Variants in MFN2 observed in about 807,000 individuals in gnomAD.
The protein encoded by MFN2 is mitofusin-2.
In MFN2, 43 loss-of-function variants were observed where a neutral mutation model predicts 87.5. The observed-to-expected ratio is 0.49, with a 90% CI of 0.38 to 0.63. MFN2 has a LOEUF of 0.63. MFN2 is among the 30% of genes least tolerant of loss of function. The pLI, the probability that MFN2 is intolerant of heterozygous loss-of-function variation, is 0.00. For missense variants in MFN2, 743 were observed against 972.8 expected, an observed-to-expected ratio of 0.76 and a Z score of 3.14; for synonymous variants, 337 against 359.9, an observed-to-expected ratio of 0.94 and a Z score of 0.72.
At chr1:11,999,925 T>C (rs934525805) in intron 8 of MFN2, among the ~76,000 whole-genome samples, 1 of 151,566 alleles carries the variant, frequency 6.6e-6, no homozygotes, top group Admixed American at 6.6e-5. Context: ...AAACCCCGTG[T>C]CTACTAAAAA....
Position 12,009,618 on chromosome 1 carries a change from T to A in MFN2, c.2096T>A (p.Leu699Gln). 1 of 1,614,248 alleles carries A rather than the reference T, an allele frequency of 6.2e-7. No homozygotes were observed. The highest frequency in any genetic ancestry group is 8.5e-7 in the Non-Finnish European group (1 of 1,180,034). The change falls in exon 18 of 19, where the codon CTG becomes CAG. Residue 699 changes from leucine (L) to glutamine (Q), a missense_variant. By Grantham distance (113) the Leu-to-Gln change is moderately radical (BLOSUM62 -2). This residue lies in a region of MFN2 where 571 missense variants were observed against 670.7 expected (regional missense o/e 0.85). Coordinates refer to ENST00000235329, the MANE Select transcript of MFN2 (RefSeq NM_014874.4). The part of the protein sequence containing the change: ...QQELSGTFAH[L>Q]CQQVDVTREN... ...GAACTGTCTGGGACCTTTGCTCATC[T>A]GTGTCAGCAAGTTGACGTCACCCGG... is the stretch of plus-strand genomic sequence containing the variant.
intron 2 of MFN2, among the ~76,000 whole-genome samples, chr1:11,983,486 A>G (rs1171273845): frequency 6.6e-6 from 1 of 152,210 alleles, no homozygotes; most frequent in Non-Finnish European, 1.5e-5. Flanking sequence ...AAACTATCCA[A>G]AACAGTAATC....
chr1:11,981,633 T>C (rs541815815), intron 1 of MFN2, among the ~76,000 whole-genome samples: 2 of 152,340 alleles, frequency 1.3e-5, no homozygotes, highest in Middle Eastern at 3.4e-3. Flanking sequence ...TAGTCAGCTG[T>C]TCCACAGTCC....
chr1:11,997,152 C>T, intron 5 of MFN2, 145 bp from the exon 6 acceptor site: 2 of 1,253,238 alleles, frequency 1.6e-6, no homozygotes, highest in South Asian at 1.3e-5. Flanking sequence ...TGACAACTCC[C>T]AGCTGTTAAC....
Position 12,002,104 on chromosome 1 carries a change from G to A in MFN2, c.1160+1G>A, listed in dbSNP as rs1553144086. On this transcript the variant is annotated splice_donor_variant, in intron 11 of 18. Transcript: ENST00000235329. LOFTEE classifies it high-confidence loss of function. ...TGCACATGGCGGCTCGGGAGCAGCA[G>A]TAAGAGTCCAAGACTGCAGATAGGT... The A allele has an allele frequency of 6.2e-7, 1 of 1,614,252 alleles. No homozygotes were observed. Among genetic ancestry groups the A allele is most frequent in the Non-Finnish European group, 8.5e-7 (1 of 1,180,044 alleles).
chr1:11,989,024 C>A lies in MFN2; in HGVS notation c.-4-141C>A. The A allele has an allele frequency of 3.2e-6, 3 of 943,060 alleles. No individual in the cohort carries two copies. In the East Asian group the frequency reaches 7.4e-5, roughly 23 times the overall value. The allele number at this position is 943,060 out of a possible 1,614,324, so 58.4% of individuals were successfully genotyped here. A position where few individuals can be genotyped will look rare whatever the true frequency, so the allele number is the denominator to read the frequency against. ...GCCTGAGACACTGTTCTTATCTCAC[C>A]GTCCTTTGTTCTAGTCCTGGAGGTT... On this transcript the variant is annotated intron_variant, in intron 2 of 18. Coordinates refer to ENST00000235329, the MANE Select transcript of MFN2 (RefSeq NM_014874.4).
At chr1:11,997,642 G>A (rs974663105) in intron 6 of MFN2, among the ~76,000 whole-genome samples, 3 of 152,144 alleles carry the variant, frequency 2.0e-5, no homozygotes, top group Non-Finnish European at 4.4e-5. Context: ...GGGATGGTCT[G>A]TAAAAGATAG....
intron 2 of MFN2, among the ~76,000 whole-genome samples, chr1:11,984,885 C>T (rs984730397): frequency 2.6e-5 from 4 of 152,234 alleles, no homozygotes; most frequent in African/African-American, 4.8e-5. Flanking sequence ...TATCTGTATC[C>T]TTTGCGATAT....
chr1:11,987,307 G>C (rs1186906937), intron 2 of MFN2, among the ~76,000 whole-genome samples: 1 of 92,404 alleles, frequency 1.1e-5, no homozygotes, highest in East Asian at 3.3e-4. Flanking sequence ...GTGAGACTCT[G>C]TCTCAAAAAA....
intron 2 of MFN2, among the ~76,000 whole-genome samples, chr1:11,983,595 C>G (rs938407445): frequency 2.0e-5 from 3 of 152,152 alleles, no homozygotes; most frequent in Admixed American, 1.3e-4. Flanking sequence ...AGGATGGTCC[C>G]CACGTGCCTG....
At chr1:12,007,950 C>G (rs530466048) in intron 17 of MFN2, among the ~76,000 whole-genome samples, 7 of 152,220 alleles carry the variant, frequency 4.6e-5, no homozygotes, top group African/African-American at 1.7e-4. Context: ...GTGGTGATGA[C>G]TCTTGACAAG....
rs1490466394 is a variant in MFN2 at position 12,005,780 on chromosome 1, T to A, written c.1565T>A (p.Phe522Tyr). ...QIDMLVPRQC[F>Y]SLNYDLNCDK... ...GACATGCTGGTCCCACGCCAGTGCT[T>A]CTCCCTCAACTATGACCTAAACTGT... The change falls in exon 15 of 19, where the codon TTC (phenylalanine) becomes TAC (tyrosine). Residue 522 changes from phenylalanine (F) to tyrosine (Y), a missense_variant. Around this residue, in one of 3 missense-constraint regions of MFN2, gnomAD observed 571 missense variants for 670.7 expected, o/e 0.85. Transcript: ENST00000235329. 6.2e-7 allele frequency: 1 copy of A among 1,614,078 alleles called. No individual in the cohort carries two copies. The highest frequency in any genetic ancestry group is 8.5e-7 in the Non-Finnish European group (1 of 1,180,038).
Position 11,989,226 on chromosome 1 carries a change from C to A in MFN2, c.58C>A (p.His20Asn). The A allele has an allele frequency of 3.7e-6, 6 of 1,614,124 alleles. No individual in the cohort carries two copies. The highest frequency in any genetic ancestry group is 5.1e-6 in the Non-Finnish European group (6 of 1,180,032). ...SIVTVKKNKR[H>N]MAEVNASPLK... ...CGTCACAGTCAAGAAAAATAAGAGA[C>A]ACATGGCTGAGGTGAATGCATCCCC... Residue 20 changes from histidine to asparagine, a missense_variant, in exon 3 of 19, where the codon CAC (histidine) becomes AAC (asparagine). Coordinates refer to ENST00000235329, the MANE Select transcript of MFN2 (RefSeq NM_014874.4).
rs1179417642 is a variant in MFN2 at position 12,007,046 on chromosome 1, T to C, written c.1873-7T>C. 1.9e-6 allele frequency: 3 copies of C among 1,613,254 alleles called. No homozygotes were observed. Among genetic ancestry groups the C allele is most frequent in the Non-Finnish European group, 1.7e-6 (2 of 1,180,030 alleles). On this transcript the variant is annotated splice_polypyrimidine_tract_variant and splice_region_variant and intron_variant, in intron 16 of 18. Transcript: ENST00000235329. ...GCTGCACTCCAGGCTGACCATGTGCTCTGCAGGTGTGGAAGGCAGTGGGCT... is the reference window on the plus strand; with the variant it reads ...GCTGCACTCCAGGCTGACCATGTGCCCTGCAGGTGTGGAAGGCAGTGGGCT...
intron 1 of MFN2, among the ~76,000 whole-genome samples, chr1:11,980,866 G>A (rs1486076132): frequency 2.0e-5 from 3 of 152,210 alleles, no homozygotes; most frequent in African/African-American, 7.2e-5. Flanking sequence ...GGCAGTTACT[G>A]CCTTCTCGTT....
intron 2 of MFN2, among the ~76,000 whole-genome samples, chr1:11,988,152 G>A (rs1255655492): frequency 6.6e-6 from 1 of 151,566 alleles, no homozygotes; most frequent in Non-Finnish European, 1.5e-5. Flanking sequence ...ACCCAGGCTG[G>A]AGTACAGTGG....
Position 12,011,831 on chromosome 1 carries a change from G to A in MFN2, c.*266G>A, listed in dbSNP as rs1557539599. ...GCATGGTACCAAGGAGTTAAGTTGAGGCTTTTTCCAGCTTTCTCTGGTTCA... is the reference window on the plus strand; with the variant it reads ...GCATGGTACCAAGGAGTTAAGTTGAAGCTTTTTCCAGCTTTCTCTGGTTCA... On this transcript the variant is annotated 3_prime_UTR_variant, in exon 19 of 19. Transcript: ENST00000235329. The A allele has an allele frequency of 1.8e-6, 1 of 552,644 alleles. No homozygotes were observed. Among genetic ancestry groups the A allele is most frequent in the Non-Finnish European group, 3.3e-6 (1 of 307,524 alleles). The allele number at this position is 552,644 out of a possible 1,614,324, so 34.2% of individuals were successfully genotyped here.
At chr1:11,989,468 CTCT>C in intron 3 of MFN2, 125 bp downstream of exon 3, 2 of 1,108,054 alleles carry the variant, frequency 1.8e-6, no homozygotes, top group Non-Finnish European at 2.6e-6. Context: ...CTTAGAAATG[CTCT>C]GCTCTTGAAA....
chr1:11,990,292 G>A (rs1432966806), intron 3 of MFN2, among the ~76,000 whole-genome samples: 1 of 152,254 alleles, frequency 6.6e-6, no homozygotes, highest in African/African-American at 2.4e-5. Flanking sequence ...TGCCCTTTGC[G>A]TGGCGCTTGA....
Sources: allele counts gnomAD v4.1 joint callset (sites outside exome capture counted in the v4.1 genomes callset), GRCh38; gene constraint gnomAD v4.1.1; regional missense constraint gnomAD v4.1.1; transcripts MANE v1.5; gene names NCBI Gene and HGNC (gene_info 2026-07-23, HGNC 2026-07-21).